USP50: variants seen among roughly 807,000 people sequenced by gnomAD.
USP50 encodes ubiquitin specific peptidase 50, also known as ubiquitin carboxyl-terminal hydrolase 50.
A neutral mutation model predicts 39.2 loss-of-function variants in USP50; 37 were observed. That is an observed-to-expected ratio of 0.94 (90% CI 0.73 to 1.24). The LOEUF is 1.24. Among genes scored for constraint, USP50 ranks in the 50% most tolerant of loss-of-function variants. The pLI is 0.00. For missense variants in USP50, 374 were observed against 398.2 expected (o/e 0.94, Z 0.52); for synonymous variants, 139 against 144.5 (o/e 0.96, Z 0.27).
intron 6 of USP50, among the ~76,000 whole-genome samples, chr15:50,520,369 C>T (rs1003105832): frequency 1.3e-5 from 2 of 150,902 alleles, no homozygotes; most frequent in Admixed American, 6.6e-5. Context: ...GGCATGGTCT[C>T]GGCTCACTTT....
At position 50,520,057 on chromosome 15, in the gene USP50, A is replaced by G. The variant is rs530472552; in HGVS notation, c.936+9740T>C. 4.6e-5 allele frequency among the ~76,000 whole-genome samples: 7 copies of G among 152,102 alleles called. No individual in the cohort carries two copies. In the South Asian group the frequency reaches 1.5e-3, roughly 32 times the overall value. On this transcript the variant is annotated intron_variant, in intron 6 of 6. Transcript: ENST00000532404. ...AGCTGCTTGTGCCTGTAATCCCAAC[A>G]TTTTTGGAAGGTCAAGACAAGGAGG...
chr15:50,512,925 A>G (rs2052756153), intron 6 of USP50: 1 of 152,196 alleles, frequency 6.6e-6, no homozygotes, highest in African/African-American at 2.4e-5. Flanking sequence ...CAACAAACCA[A>G]AAACAAAAAA....
downstream of USP50, among the ~76,000 whole-genome samples, chr15:50,496,325 C>CA (rs1185405083): frequency 1.3e-5 from 2 of 151,740 alleles, no homozygotes; most frequent in Non-Finnish European, 2.9e-5. Flanking sequence ...ACTAAAAATA[C>CA]AAAAAATTAG....
At chr15:50,546,394 T>A (rs1001942664) in intron 1 of USP50, 79 bp downstream of exon 1, 142 of 1,467,254 alleles carry the variant, frequency 9.7e-5, no homozygotes, top group Non-Finnish European at 1.2e-4. Flanking sequence ...CTGAATGCAG[T>A]GTGTGTCCCC....
chr15:50,543,183 A>G (rs2053043590), intron 3 of USP50, among the ~76,000 whole-genome samples: 1 of 152,198 alleles, frequency 6.6e-6, no homozygotes, highest in Non-Finnish European at 1.5e-5. Context: ...GTCCCAAGAA[A>G]ATTTAAGCTA....
At chr15:50,508,063 C>CT (rs890689022) in intron 6 of USP50, 4 of 104,222 alleles carry the variant, frequency 3.8e-5, no homozygotes, top group African/African-American at 1.6e-4. Flanking sequence ...GTGCAAGACT[C>CT]TGTCTCAAAA....
intron 6 of USP50, chr15:50,513,452 C>T (rs1037886734): frequency 1.5e-4 from 22 of 148,054 alleles, no homozygotes; most frequent in African/African-American, 5.5e-4. Context: ...GTAATCCCAG[C>T]ACTTTGGGAG....
Position 50,546,533 on chromosome 15 carries a change from G to C in USP50, c.-8C>G, listed in dbSNP as rs759651713. ...AGACGGCTGAGAAGTCATTTTAATG[G>C]AACCACGTTGGACTTTTGCTTCTAT... On this transcript the variant is annotated 5_prime_UTR_variant, in exon 1 of 7. Coordinates refer to ENST00000532404, the MANE Select transcript of USP50 (RefSeq NM_203494.5). The C allele has an allele frequency of 3.1e-6, 5 of 1,613,486 alleles. No individual in the cohort carries two copies. The Admixed American group carries it at 6.7e-5, about 22-fold the overall frequency.
Position 50,546,518 on chromosome 15 carries a change from G to A in USP50, c.8C>T (p.Ser3Phe). 1.2e-6 allele frequency: 2 copies of A among 1,613,654 alleles called. No individual in the cohort carries two copies. The highest frequency in any genetic ancestry group is 1.7e-6 in the Non-Finnish European group (2 of 1,179,610). Residue 3 changes from serine to phenylalanine, a missense_variant, in exon 1 of 7, where the codon TCT becomes TTT. Ser to Phe is a radical substitution (Grantham distance 155). Coordinates refer to ENST00000532404, the MANE Select transcript of USP50 (RefSeq NM_203494.5). MT[S>F]QPSLPADDFD... ...GTCATCTGCAGGGAGAGACGGCTGA[G>A]AAGTCATTTTAATGGAACCACGTTG...
chr15:50,513,191 A>G (rs535309902), intron 6 of USP50: 1 of 152,314 alleles, frequency 6.6e-6, no homozygotes, highest in Admixed American at 6.5e-5. Flanking sequence ...TTATGATCTA[A>G]GTGACCTCAC....
intron 5 of USP50, among the ~76,000 whole-genome samples, chr15:50,537,895 G>GAA (rs2052992856): frequency 5.4e-5 from 3 of 55,138 alleles, no homozygotes; most frequent in Admixed American, 3.9e-4. Context: ...GGAGGGGAGG[G>GAA]GAGGGAAGGG....
chr15:50,498,482 T>A, downstream of USP50: 1 of 1,360,032 alleles, frequency 7.4e-7, no homozygotes. Flanking sequence ...AAATTCCAAG[T>A]CTTTGTATTT....
chr15:50,543,867 A>G, intron 2 of USP50, 74 bp from the exon 3 acceptor site: 2 of 1,444,594 alleles, frequency 1.4e-6, no homozygotes, highest in Non-Finnish European at 1.9e-6. Flanking sequence ...AGCCTAGGAA[A>G]TTAGTCTCAA....
chr15:50,506,785 T>C (rs768836568), intron 6 of USP50: 36 of 149,458 alleles, frequency 2.4e-4, no homozygotes, highest in Admixed American at 4.7e-4. Flanking sequence ...CGGTGAAACC[T>C]CATCTCTACA....
chr15:50,528,551 G>A (rs2052916733), intron 6 of USP50, among the ~76,000 whole-genome samples: 1 of 152,218 alleles, frequency 6.6e-6, no homozygotes, highest in Non-Finnish European at 1.5e-5. Context: ...AAGGGAGGCA[G>A]TTCCTGCACT....
intron 5 of USP50, among the ~76,000 whole-genome samples, chr15:50,538,273 C>CA (rs766139797): frequency 0.11 from 1,817 of 17,218 alleles, 316 homozygotes; most frequent in Middle Eastern, 0.12. Flanking sequence ...GAGACTGTCT[C>CA]AAAAAAAAAA....
rs536323599 is a variant in USP50, at chr15:50,545,681, C to T, written c.53+792G>A. Among the ~76,000 whole-genome samples the T allele has an allele frequency of 6.6e-5, 10 of 151,500 alleles. No homozygotes were observed. The East Asian group carries it at 1.4e-3, about 21-fold the overall frequency. ...TATGTGTATATGTGTATGTATATAG[C>T]TATATACATATAAACACACACACAC... is the stretch of plus-strand genomic sequence containing the variant. On this transcript the variant is annotated intron_variant, in intron 1 of 6. Transcript: ENST00000532404.
At chr15:50,495,834 CATTTT>C (rs1365445399), downstream of USP50, 2 of 1,587,090 alleles carry the variant, frequency 1.3e-6, no homozygotes, top group African/African-American at 2.7e-5. Context: ...GAGCTTAAAT[CATTTT>C]ATTTCCAGGC....
At chr15:50,501,171 T>A (rs2052579332) in intron 6 of USP50, 2 of 238,494 alleles carry the variant, frequency 8.4e-6, no homozygotes, top group African/African-American at 2.3e-5. Context: ...AATAAGAAGA[T>A]AATTCAGGCC....
Sources: gnomAD v4.1 joint callset for allele counts (sites outside exome capture counted in the v4.1 genomes callset) on GRCh38, gnomAD v4.1.1 for gene constraint, MANE v1.5 for transcripts, NCBI Gene and HGNC (gene_info 2026-07-23, HGNC 2026-07-21) for gene names.